CDH12: variants seen among roughly 807,000 people sequenced by gnomAD.
CDH12 encodes the protein cadherin-12.
CDH12 carries 41 observed loss-of-function variants against 74.1 expected under a neutral mutation model. The ratio of observed to expected loss-of-function variants is 0.55; its 90% CI spans 0.43 to 0.72. The LOEUF (loss-of-function observed/expected upper bound fraction) is 0.72. CDH12 is among the 30% of genes least tolerant of loss of function. The pLI, the probability that CDH12 is intolerant of heterozygous loss-of-function variation, is 0.00. For missense variants in CDH12, 945 were observed against 977.2 expected (o/e 0.97, Z 0.44); for synonymous variants, 399 against 355.0 (o/e 1.12, Z -1.39).
At chr5:21,932,925 A>T (rs561751772) in intron 6 of CDH12, among the ~76,000 whole-genome samples, 1 of 150,522 alleles carries the variant, frequency 6.6e-6, no homozygotes. Context: ...TCTAATTCCA[A>T]AGTAAAATAT....
chr5:21,780,114 C>T (rs866593924), intron 11 of CDH12, among the ~76,000 whole-genome samples: 3 of 152,122 alleles, frequency 2.0e-5, no homozygotes, highest in South Asian at 2.1e-4. Flanking sequence ...GTCTAAGTCC[C>T]AGTTCTGCCT....
At chr5:22,378,756 T>C (rs958385012) in intron 3 of CDH12, among the ~76,000 whole-genome samples, 5 of 152,118 alleles carry the variant, frequency 3.3e-5, no homozygotes, top group South Asian at 4.1e-4. Context: ...GTTATGCTTT[T>C]TGAGAATTAT....
chr5:22,173,222 CAT>C (rs1231048839), intron 4 of CDH12, among the ~76,000 whole-genome samples: 2 of 147,706 alleles, frequency 1.4e-5, no homozygotes, highest in Admixed American at 6.8e-5. Flanking sequence ...CATTTAATTA[CAT>C]ATATATGATT....
At chr5:21,869,130 G>A (rs1751485607) in intron 6 of CDH12, among the ~76,000 whole-genome samples, 1 of 152,204 alleles carries the variant, frequency 6.6e-6, no homozygotes, top group African/African-American at 2.4e-5. Flanking sequence ...TAAGAAGGGA[G>A]TTATAATCTT....
intron 3 of CDH12, among the ~76,000 whole-genome samples, chr5:22,262,678 G>A (rs1416951830): frequency 1.3e-5 from 2 of 151,354 alleles, no homozygotes; most frequent in South Asian, 2.1e-4. Context: ...CTAGATCCCT[G>A]AGGAATCGCC....
chr5:21,966,613 C>A (rs1190932601), intron 6 of CDH12, among the ~76,000 whole-genome samples: 1 of 152,106 alleles, frequency 6.6e-6, no homozygotes, highest in East Asian at 1.9e-4. Flanking sequence ...GTTGAACATA[C>A]ACCTAAAATA....
chr5:22,381,182 C>T (rs1483182839), intron 3 of CDH12, among the ~76,000 whole-genome samples: 2 of 151,948 alleles, frequency 1.3e-5, no homozygotes, highest in Admixed American at 1.3e-4. Flanking sequence ...ATATGCTCAT[C>T]AAACTTTAAT....
intron 1 of CDH12, among the ~76,000 whole-genome samples, chr5:22,811,397 C>A (rs1010403747): frequency 1.3e-5 from 2 of 152,232 alleles, no homozygotes; most frequent in Admixed American, 1.3e-4. Context: ...GGCCCCTAAG[C>A]AGATTAGACG....
intron 1 of CDH12, among the ~76,000 whole-genome samples, chr5:22,570,189 G>A (rs566917110): frequency 2.0e-5 from 3 of 151,882 alleles, no homozygotes; most frequent in African/African-American, 7.2e-5. Context: ...TCGAGCAGCT[G>A]GGATTACAGG....
At chr5:22,786,272 C>T (rs1010729061) in intron 1 of CDH12, among the ~76,000 whole-genome samples, 1 of 152,138 alleles carries the variant, frequency 6.6e-6, no homozygotes, top group African/African-American at 2.4e-5. Flanking sequence ...GATGAGAACA[C>T]ATGGGCACAT....
intron 3 of CDH12, among the ~76,000 whole-genome samples, chr5:22,349,591 A>G (rs2150462982): frequency 6.6e-6 from 1 of 152,322 alleles, no homozygotes; most frequent in African/African-American, 2.4e-5. Context: ...ATTTTCCAAT[A>G]CATTCCTGTA....
intron 1 of CDH12, among the ~76,000 whole-genome samples, chr5:22,527,484 G>A (rs982939370): frequency 3.3e-5 from 5 of 152,056 alleles, no homozygotes; most frequent in Non-Finnish European, 7.4e-5. Context: ...AGTGCCATAG[G>A]CCTGTGCAAG....
intron 4 of CDH12, chr5:22,152,501 A>ATC: frequency 6.6e-6 from 1 of 152,164 alleles, no homozygotes; most frequent in South Asian, 2.1e-4. Context: ...AATTGTTAAA[A>ATC]ATTGGCAGAT....
intron 2 of CDH12, among the ~76,000 whole-genome samples, chr5:22,502,434 C>A (rs192979300): frequency 4.6e-5 from 7 of 152,090 alleles, no homozygotes; most frequent in South Asian, 2.1e-4. Context: ...GTCTCAGGTA[C>A]GTCTTTATTA....
intron 5 of CDH12, among the ~76,000 whole-genome samples, chr5:22,028,889 G>A (rs1444614554): frequency 6.6e-6 from 1 of 152,142 alleles, no homozygotes; most frequent in Non-Finnish European, 1.5e-5. Context: ...AACCAAAACA[G>A]CATGGTACTG....
chr5:22,017,816 A>G lies in CDH12; in HGVS notation c.232-42431T>C, dbSNP rs189865814. Among the ~76,000 whole-genome samples the G allele has an allele frequency of 3.9e-4, 59 of 151,160 alleles. No individual in the cohort carries two copies. The East Asian group carries it at 0.01, about 27-fold the overall frequency. ...CTCTTGTTGCCCAGGCTGGAGTGCA[A>G]TGGCGTAATCTCAGCTCACCACAAC... On this transcript the variant is annotated intron_variant, in intron 5 of 14. Coordinates refer to ENST00000382254, the MANE Select transcript of CDH12 (RefSeq NM_004061.5).
At chr5:22,830,113 C>T (rs886468561) in intron 1 of CDH12, among the ~76,000 whole-genome samples, 1 of 152,142 alleles carries the variant, frequency 6.6e-6, no homozygotes, top group Non-Finnish European at 1.5e-5. Context: ...CAGGCGATAT[C>T]ATCAAAAGGA....
At chr5:21,956,149 A>G (rs1414481670) in intron 6 of CDH12, among the ~76,000 whole-genome samples, 7 of 151,520 alleles carry the variant, frequency 4.6e-5, no homozygotes, top group Non-Finnish European at 5.9e-5. Context: ...TACAAATGTG[A>G]TTACTTAAAT....
At chr5:21,883,218 G>A in intron 6 of CDH12, 1 of 1,376,540 alleles carries the variant, frequency 7.3e-7, no homozygotes, top group Non-Finnish European at 1.0e-6. Flanking sequence ...ACTGAATGAT[G>A]AATTAGAAAT....
Sources: gnomAD v4.1 joint callset for allele counts (sites outside exome capture counted in the v4.1 genomes callset) on GRCh38, gnomAD v4.1.1 for gene constraint, MANE v1.5 for transcripts, NCBI Gene and HGNC (gene_info 2026-07-23, HGNC 2026-07-21) for gene names.